Variants in LRGUK observed in about 807,000 individuals in gnomAD.
The protein encoded by LRGUK is leucine rich repeats and guanylate kinase domain containing.
A neutral mutation model predicts 76.0 loss-of-function variants in LRGUK; 65 were observed. The ratio of observed to expected loss-of-function variants is 0.85; its 90% CI spans 0.70 to 1.05. The LOEUF (loss-of-function observed/expected upper bound fraction) is 1.05. LRGUK is among the 50% of genes least tolerant of loss of function. LRGUK has a pLI of 0.00. For missense variants in LRGUK, 758 were observed against 732.8 expected (o/e 1.03, Z -0.40); for synonymous variants, 268 against 265.6 (o/e 1.01, Z -0.09).
At chr7:134,176,407 T>C (rs913036419) in intron 8 of LRGUK, among the ~76,000 whole-genome samples, 7 of 151,968 alleles carry the variant, frequency 4.6e-5, no homozygotes, top group Non-Finnish European at 7.4e-5. Context: ...TTCGACAGAG[T>C]CTCCCTCTGT....
chr7:134,258,897 G>A (rs1802651799), intron 19 of LRGUK, among the ~76,000 whole-genome samples: 1 of 152,162 alleles, frequency 6.6e-6, no homozygotes, highest in South Asian at 2.1e-4. Flanking sequence ...ACAAAGTTGA[G>A]AAAGGTGGGG....
chr7:134,232,263 A>G (rs2117176727), intron 16 of LRGUK, among the ~76,000 whole-genome samples: 1 of 151,824 alleles, frequency 6.6e-6, no homozygotes, highest in Non-Finnish European at 1.5e-5. Flanking sequence ...CTTCCAATAT[A>G]CTGACAGTTG....
At chr7:134,151,361 CCTGAGTAGTCCTATAACTATA>C (rs1798217156) in intron 5 of LRGUK, among the ~76,000 whole-genome samples, 3 of 151,626 alleles carry the variant, frequency 2.0e-5, no homozygotes, top group South Asian at 4.2e-4. Flanking sequence ...AAATAGAAAC[CCTGAGTAGTCCTATAACTATA>C]AAATTAATTT....
chr7:134,153,187 A>G (rs1798302627), intron 5 of LRGUK, among the ~76,000 whole-genome samples: 1 of 152,088 alleles, frequency 6.6e-6, no homozygotes, highest in Non-Finnish European at 1.5e-5. Flanking sequence ...TTATAAATTA[A>G]TTTCTTTGAA....
intron 7 of LRGUK, among the ~76,000 whole-genome samples, chr7:134,170,433 T>C (rs139796023): frequency 1.2e-3 from 179 of 152,176 alleles, no homozygotes; most frequent in Non-Finnish European, 2.1e-3. Context: ...AAACAAAAAT[T>C]TTAATTTATA....
chr7:134,254,417 A>G (rs1802522414), intron 18 of LRGUK, among the ~76,000 whole-genome samples: 1 of 152,096 alleles, frequency 6.6e-6, no homozygotes, highest in South Asian at 2.1e-4. Flanking sequence ...ACACACATTT[A>G]TTTCTCCCAG....
intron 15 of LRGUK, among the ~76,000 whole-genome samples, chr7:134,205,614 A>T (rs1800971778): frequency 6.6e-6 from 1 of 152,246 alleles, no homozygotes; most frequent in Non-Finnish European, 1.5e-5. Context: ...AAATTGAAAT[A>T]AAAAATATTT....
intron 7 of LRGUK, among the ~76,000 whole-genome samples, chr7:134,169,120 C>A (rs1442346250): frequency 6.8e-6 from 1 of 147,836 alleles, no homozygotes; most frequent in African/African-American, 2.5e-5. Context: ...TGATAAGAGG[C>A]TGAAGGGAAG....
chr7:134,256,109 C>T (rs1172887921), intron 18 of LRGUK, among the ~76,000 whole-genome samples: 1 of 152,088 alleles, frequency 6.6e-6, no homozygotes, highest in Non-Finnish European at 1.5e-5. Context: ...CTTCCCTGCT[C>T]CTGCCTTTTC....
At chr7:134,127,632 G>A in exon 1 of LRGUK, 3 of 1,613,930 alleles carry the variant, frequency 1.9e-6, no homozygotes, top group South Asian at 1.1e-5. Flanking sequence ...GGGATCCGAG[G>A]AGTCCTCAGA....
chr7:134,251,046 G>T (rs1449828856), intron 18 of LRGUK, among the ~76,000 whole-genome samples: 2 of 152,112 alleles, frequency 1.3e-5, no homozygotes, highest in African/African-American at 2.4e-5. Context: ...TTTGATGTGT[G>T]TCTTATATGC....
At chr7:134,213,639 G>A (rs568932579), downstream of LRGUK, among the ~76,000 whole-genome samples, 47 of 152,256 alleles carry the variant, frequency 3.1e-4, no homozygotes, top group South Asian at 1.2e-3. Context: ...AAAGGGAAGC[G>A]ATAAGCCAAA....
intron 8 of LRGUK, among the ~76,000 whole-genome samples, chr7:134,176,181 A>G (rs1052940176): frequency 1.3e-5 from 2 of 152,112 alleles, no homozygotes; most frequent in African/African-American, 2.4e-5. Context: ...AACAATGAGA[A>G]CACATGGACA....
chr7:134,145,599 C>G (rs1451576050), intron 4 of LRGUK, among the ~76,000 whole-genome samples: 1 of 152,120 alleles, frequency 6.6e-6, no homozygotes, highest in Non-Finnish European at 1.5e-5. Flanking sequence ...GTGGGGCTGT[C>G]CTGATATTGT....
chr7:134,181,354 T>G (rs1799738210), intron 10 of LRGUK, among the ~76,000 whole-genome samples: 1 of 152,138 alleles, frequency 6.6e-6, no homozygotes, highest in African/African-American at 2.4e-5. Context: ...AAACAAAATC[T>G]GATGATAATT....
intron 4 of LRGUK, among the ~76,000 whole-genome samples, chr7:134,145,177 A>T: frequency 6.6e-6 from 1 of 152,190 alleles, no homozygotes. Context: ...GAGGTGCTGC[A>T]AGCCACTGTG....
chr7:134,219,213 A>G (rs961974263), intron 15 of LRGUK, among the ~76,000 whole-genome samples: 1 of 152,210 alleles, frequency 6.6e-6, no homozygotes, highest in Non-Finnish European at 1.5e-5. Flanking sequence ...GTACTAAGAC[A>G]TTAGACAATA....
chr7:134,206,501 G>T (rs867116079), intron 15 of LRGUK, among the ~76,000 whole-genome samples: 16 of 151,542 alleles, frequency 1.1e-4, no homozygotes, highest in Admixed American at 2.0e-4. Context: ...GTGACAGAGT[G>T]AGACTCCATC....
chr7:134,167,622 G>A lies in LRGUK; in HGVS notation c.939+4082G>A, dbSNP rs561798819. 1.2e-4 allele frequency among the ~76,000 whole-genome samples: 19 copies of A among 152,252 alleles called. 1 individual carries two copies. The South Asian group carries it at 3.9e-3, about 32-fold the overall frequency. On this transcript the variant is annotated intron_variant, in intron 7 of 15. Transcript: ENST00000645682. Reference sequence around the variant, plus strand: ...TGAGGATAGAGACCAGCACTCTTAGGGGCAGCTGGTGGGGTGCAGTGCTCC... The same window carrying A: ...TGAGGATAGAGACCAGCACTCTTAGAGGCAGCTGGTGGGGTGCAGTGCTCC...
Sources: allele counts gnomAD v4.1 joint callset (sites outside exome capture counted in the v4.1 genomes callset), GRCh38; gene constraint gnomAD v4.1.1; transcripts MANE v1.5; gene names NCBI Gene and HGNC (gene_info 2026-07-23, HGNC 2026-07-21).